Variants in TOX observed in about 807,000 individuals in gnomAD.
TOX encodes thymocyte selection-associated high mobility group box protein TOX.
Under a neutral mutation model 53.7 loss-of-function variants are expected in TOX, and 11 were observed. The ratio of observed to expected loss-of-function variants is 0.20; its 90% CI spans 0.13 to 0.34. The LOEUF (loss-of-function observed/expected upper bound fraction) is 0.34. Ranked by LOEUF, TOX falls within the 10% of genes least tolerant of loss-of-function variation. The probability of loss-of-function intolerance (pLI) is 1.00; values close to 1 mark genes in which losing one functional copy is unlikely to be tolerated. For missense variants in TOX, 570 were observed against 664.6 expected (o/e 0.86, Z 1.56); for synonymous variants, 225 against 245.3 (o/e 0.92, Z 0.77).
chr8:58,988,801 C>T (rs1429003521), intron 1 of TOX, among the ~76,000 whole-genome samples: 6 of 152,124 alleles, frequency 3.9e-5, no homozygotes, highest in Non-Finnish European at 7.4e-5. Flanking sequence ...ATTTCCCAGA[C>T]TTATTTGACT....
chr8:59,094,601 A>G (rs936092602), intron 1 of TOX, among the ~76,000 whole-genome samples: 19 of 151,704 alleles, frequency 1.3e-4, no homozygotes, highest in African/African-American at 4.4e-4. Flanking sequence ...TATAATAATT[A>G]TAAGTAATGA....
intron 1 of TOX, among the ~76,000 whole-genome samples, chr8:59,044,589 G>A (rs115538239): frequency 0.011 from 1,649 of 152,224 alleles, 25 homozygotes; most frequent in African/African-American, 0.037. Context: ...AAGTAAATTA[G>A]CTTATTTCCC....
intron 3 of TOX, among the ~76,000 whole-genome samples, chr8:58,861,089 C>T (rs966749925): frequency 1.3e-5 from 2 of 152,176 alleles, no homozygotes. Flanking sequence ...CCAAGTTTGA[C>T]ACACCGTGCT....
chr8:58,888,760 A>G (rs541920314), intron 3 of TOX, among the ~76,000 whole-genome samples: 2 of 152,146 alleles, frequency 1.3e-5, no homozygotes, highest in South Asian at 2.1e-4. Context: ...TGAATTTTCT[A>G]CATAATAGAA....
intron 3 of TOX, among the ~76,000 whole-genome samples, chr8:58,863,686 T>C (rs1233926813): frequency 6.6e-6 from 1 of 152,174 alleles, no homozygotes; most frequent in Non-Finnish European, 1.5e-5. Flanking sequence ...GAACCTAGAA[T>C]GACTGAATTT....
At chr8:58,900,134 C>T (rs1225630425) in intron 3 of TOX, among the ~76,000 whole-genome samples, 3 of 152,128 alleles carry the variant, frequency 2.0e-5, no homozygotes, top group African/African-American at 4.8e-5. Context: ...CTTGTCCTGG[C>T]CCAGGCTTGA....
intron 1 of TOX, among the ~76,000 whole-genome samples, chr8:59,068,531 A>G (rs920728440): frequency 6.6e-6 from 1 of 152,188 alleles, no homozygotes; most frequent in Non-Finnish European, 1.5e-5. Flanking sequence ...AGGAAGAGAA[A>G]AGGGAAAGTA....
intron 3 of TOX, among the ~76,000 whole-genome samples, chr8:58,927,996 G>A (rs1039221817): frequency 1.3e-5 from 2 of 152,186 alleles, no homozygotes; most frequent in Non-Finnish European, 2.9e-5. Flanking sequence ...GTTTCTGCGG[G>A]TGACTCCAAC....
At chr8:58,872,946 A>C (rs1476956520) in intron 3 of TOX, among the ~76,000 whole-genome samples, 1 of 152,168 alleles carries the variant, frequency 6.6e-6, no homozygotes, top group Admixed American at 6.6e-5. Context: ...AAATAGGGGA[A>C]TCTTAGTCTG....
intron 2 of TOX, among the ~76,000 whole-genome samples, chr8:58,951,550 G>A (rs114601457): frequency 7.9e-6 from 1 of 126,852 alleles, no homozygotes; most frequent in Admixed American, 8.0e-5. Context: ...CTGTTGACCC[G>A]GTCTCACCTG....
intron 7 of TOX, among the ~76,000 whole-genome samples, chr8:58,814,753 G>T (rs993649883): frequency 2.6e-5 from 4 of 152,110 alleles, no homozygotes; most frequent in African/African-American, 9.7e-5. Flanking sequence ...GGGTAGGGAG[G>T]CTTCCAAACA....
intron 3 of TOX, among the ~76,000 whole-genome samples, chr8:58,925,609 G>T (rs550128409): frequency 7.2e-5 from 11 of 152,280 alleles, no homozygotes; most frequent in Non-Finnish European, 1.6e-4. Context: ...AGTACCCTGT[G>T]CCTGCTTCTG....
At chr8:59,015,191 C>T (rs1017279271) in intron 1 of TOX, among the ~76,000 whole-genome samples, 2 of 152,230 alleles carry the variant, frequency 1.3e-5, no homozygotes, top group Non-Finnish European at 2.9e-5. Context: ...TAACAATTAA[C>T]ACTTTCTTTC....
intron 3 of TOX, among the ~76,000 whole-genome samples, chr8:58,870,740 C>T (rs1016180380): frequency 2.0e-5 from 3 of 151,912 alleles, no homozygotes; most frequent in East Asian, 1.9e-4. Context: ...CAAATATAGT[C>T]GCTTATCTCT....
chr8:58,838,627 G>C (rs924586804), intron 4 of TOX, among the ~76,000 whole-genome samples: 1 of 150,914 alleles, frequency 6.6e-6, no homozygotes, highest in Admixed American at 6.6e-5. Context: ...TGTGTCAACA[G>C]CAGATTTCTC....
rs574095066 is a variant in TOX at position 58,848,861 on chromosome 8, A to G, written c.693+2663T>C. Among the ~76,000 whole-genome samples the G allele has an allele frequency of 1.7e-4, 26 of 152,282 alleles. No individual in the cohort carries two copies. The South Asian group carries it at 3.7e-3, about 22-fold the overall frequency. On this transcript the variant is annotated intron_variant, in intron 4 of 8. Transcript: ENST00000361421. Reference sequence around the variant, plus strand: ...CAATTAGATGAGCTGGAATCAATATATAATTGCTTAAAGACAGCACAAAGT... The same window carrying G: ...CAATTAGATGAGCTGGAATCAATATGTAATTGCTTAAAGACAGCACAAAGT...
chr8:58,834,446 C>T (rs148467999), intron 5 of TOX, among the ~76,000 whole-genome samples: 3 of 152,308 alleles, frequency 2.0e-5, no homozygotes, highest in African/African-American at 4.8e-5. Flanking sequence ...AAATACATAG[C>T]AGTATGTGTG....
At chr8:58,949,039 T>C (rs1446496308) in intron 2 of TOX, among the ~76,000 whole-genome samples, 3 of 152,184 alleles carry the variant, frequency 2.0e-5, no homozygotes, top group Admixed American at 2.0e-4. Context: ...CATCCCTTAG[T>C]AGATGTATTT....
At chr8:58,913,323 A>T in intron 3 of TOX, among the ~76,000 whole-genome samples, 1 of 152,316 alleles carries the variant, frequency 6.6e-6, no homozygotes, top group South Asian at 2.1e-4. Flanking sequence ...CTCTAAACAA[A>T]TAAATAAAAA....
Sources: allele counts gnomAD v4.1 joint callset (sites outside exome capture counted in the v4.1 genomes callset), GRCh38; gene constraint gnomAD v4.1.1; transcripts MANE v1.5; gene names NCBI Gene and HGNC (gene_info 2026-07-23, HGNC 2026-07-21).